Variants in LRRC8D observed in about 807,000 individuals in gnomAD.
The protein encoded by LRRC8D is volume-regulated anion channel subunit LRRC8D.
In LRRC8D, 20 loss-of-function variants were observed where a neutral mutation model predicts 55.8. The observed-to-expected ratio is 0.36, with a 90% CI of 0.25 to 0.52. LRRC8D has a LOEUF of 0.52. LRRC8D is among the 20% of genes least tolerant of loss of function. LRRC8D has a pLI of 0.93. For synonymous variants in LRRC8D, 352 were observed against 377.0 expected, an observed-to-expected ratio of 0.93 and a Z score of 0.77; for missense variants, 651 against 1,030.8, an observed-to-expected ratio of 0.63 and a Z score of 5.05.
At chr1:89,894,067 C>G (rs956644229) in intron 2 of LRRC8D, among the ~76,000 whole-genome samples, 1 of 152,172 alleles carries the variant, frequency 6.6e-6, no homozygotes, top group Non-Finnish European at 1.5e-5. Flanking sequence ...GTAATTAGGG[C>G]ATGAGGGCTC....
intron 2 of LRRC8D, among the ~76,000 whole-genome samples, chr1:89,862,376 A>G (rs990115307): frequency 1.3e-5 from 2 of 152,116 alleles, no homozygotes; most frequent in Admixed American, 6.5e-5. Context: ...GTTAGCCCAT[A>G]CTGCTTACTA....
chr1:89,900,355 G>A (rs1423282939), intron 2 of LRRC8D, among the ~76,000 whole-genome samples: 1 of 151,418 alleles, frequency 6.6e-6, no homozygotes, highest in Non-Finnish European at 1.5e-5. Context: ...TGGGTACAGT[G>A]CATCAAGGAA....
intron 2 of LRRC8D, among the ~76,000 whole-genome samples, chr1:89,869,218 AT>A (rs1199356752): frequency 6.6e-6 from 1 of 152,098 alleles, no homozygotes. Context: ...ACACTGCGTT[AT>A]TTTGACTGAG....
At chr1:89,904,875 G>A (rs1662950786) in intron 2 of LRRC8D, among the ~76,000 whole-genome samples, 1 of 152,072 alleles carries the variant, frequency 6.6e-6, no homozygotes, top group Admixed American at 6.6e-5. Context: ...TTGTGAGGAT[G>A]AATTAAAATG....
chr1:89,887,569 T>C (rs1488014161), intron 2 of LRRC8D, among the ~76,000 whole-genome samples: 1 of 152,240 alleles, frequency 6.6e-6, no homozygotes, highest in Non-Finnish European at 1.5e-5. Flanking sequence ...AAGTATCTCA[T>C]AGATGCAGTA....
At chr1:89,920,406 A>G (rs1369516763) in intron 2 of LRRC8D, among the ~76,000 whole-genome samples, 2 of 152,174 alleles carry the variant, frequency 1.3e-5, no homozygotes, top group African/African-American at 4.8e-5. Context: ...GTTTTTGCCT[A>G]ATGTGAAATC....
chr1:89,829,469 A>G (rs115612625), intron 1 of LRRC8D, among the ~76,000 whole-genome samples: 145 of 152,332 alleles, frequency 9.5e-4, no homozygotes, highest in Middle Eastern at 6.8e-3. Context: ...ATTTTATACC[A>G]GACTTTTTTA....
intron 1 of LRRC8D, 55 bp from the exon 2 acceptor site, chr1:89,843,583 C>T (rs999556804): frequency 8.6e-6 from 6 of 697,396 alleles, no homozygotes; most frequent in East Asian, 2.7e-5. Flanking sequence ...CCTTCCTCCC[C>T]GCTGCCGACA....
chr1:89,935,097 A>G lies in LRRC8D; in HGVS notation c.2029A>G (p.Ile677Val), dbSNP rs563864278. Residue 677 changes from isoleucine to valine, a missense_variant, in exon 3 of 3, where the codon ATC (isoleucine) becomes GTC (valine). By Grantham distance (29) the Ile-to-Val change is conservative. This residue lies in a region of LRRC8D where 338 missense variants were observed against 479.4 expected (regional missense o/e 0.71). Transcript: ENST00000337338. ...SNNIRTIEEI[I>V]SFQHLKRLTC... ...TAACATTCGCACAATTGAGGAAATC[A>G]TCAGTTTCCAGCATTTAAAACGACT... is the stretch of plus-strand genomic sequence containing the variant. The G allele has an allele frequency of 3.1e-6, 5 of 1,614,124 alleles. No individual in the cohort carries two copies. Among genetic ancestry groups the G allele is most frequent in the Non-Finnish European group, 3.4e-6 (4 of 1,180,034 alleles).
At position 89,896,307 on chromosome 1, in the gene LRRC8D, G is replaced by T. The variant is rs534946211; in HGVS notation, c.-2-36760G>T. Among the ~76,000 whole-genome samples, 17 of 152,232 alleles carry T rather than the reference G, an allele frequency of 1.1e-4. 1 individual carries two copies. Among genetic ancestry groups the T allele is most frequent in the African/African-American group, 3.6e-4 (15 of 41,540 alleles). On this transcript the variant is annotated intron_variant, in intron 2 of 2. Transcript: ENST00000337338. The stretch of plus-strand genomic sequence containing the variant: ...GGGAAGGGAGGGGTCGTAAACTTTG[G>T]TTCTGGAGGAGCCCTTAGAGATCGT...
At chr1:89,831,945 CG>C in intron 1 of LRRC8D, among the ~76,000 whole-genome samples, 1 of 152,284 alleles carries the variant, frequency 6.6e-6, no homozygotes, top group East Asian at 1.9e-4. Context: ...AGGAAAAAGA[CG>C]GTTTGGAACA....
At position 89,927,291 on chromosome 1, in the gene LRRC8D, T is replaced by C. The variant is rs556327680; in HGVS notation, c.-2-5776T>C. Reference sequence around the variant, plus strand: ...ACAGCTGTTTCTGCGGCAGCTTCTTTTACCATTTCCTTTGAAACTTTTTAT... The same window carrying C: ...ACAGCTGTTTCTGCGGCAGCTTCTTCTACCATTTCCTTTGAAACTTTTTAT... On this transcript the variant is annotated intron_variant, in intron 2 of 2. Coordinates refer to ENST00000337338, the MANE Select transcript of LRRC8D (RefSeq NM_001134479.2). Among the ~76,000 whole-genome samples the C allele has an allele frequency of 2.0e-5, 3 of 152,396 alleles. No individual in the cohort carries two copies. In the South Asian group the frequency reaches 6.2e-4, roughly 32 times the overall value.
intron 2 of LRRC8D, among the ~76,000 whole-genome samples, chr1:89,894,060 A>G (rs1662645143): frequency 6.6e-6 from 1 of 152,184 alleles, no homozygotes; most frequent in Admixed American, 6.5e-5. Flanking sequence ...TTGGAAAGTA[A>G]TTAGGGCATG....
chr1:89,934,004 A>C lies in LRRC8D; in HGVS notation c.936A>C (p.Thr312=). Residue 312 remains threonine, a synonymous_variant, in exon 3 of 3, where the codon ACA becomes ACC. Coordinates refer to ENST00000337338, the MANE Select transcript of LRRC8D (RefSeq NM_001134479.2). The surrounding 1 kb of genome is among the most constrained non-coding windows in gnomAD (Gnocchi z 5.9). The part of the protein sequence containing the change: ...DLIYKLYVVQ[T]VIKTAKFIFI... The stretch of plus-strand genomic sequence containing the variant: ...TCTATAAACTCTATGTGGTCCAAAC[A>C]GTTATCAAAACAGCCAAGTTCATTT... 6.2e-7 allele frequency: 1 copy of C among 1,614,232 alleles called. No individual in the cohort carries two copies. The highest frequency in any genetic ancestry group is 8.5e-7 in the Non-Finnish European group (1 of 1,180,044).
intron 2 of LRRC8D, among the ~76,000 whole-genome samples, chr1:89,870,393 T>C (rs1166367034): frequency 2.0e-5 from 3 of 151,976 alleles, no homozygotes; most frequent in Admixed American, 6.6e-5. Flanking sequence ...GGAGAATCGC[T>C]TGAACCCGGG....
At chr1:89,903,745 A>T (rs1405115754) in intron 2 of LRRC8D, among the ~76,000 whole-genome samples, 1 of 152,196 alleles carries the variant, frequency 6.6e-6, no homozygotes, top group Non-Finnish European at 1.5e-5. Context: ...GTGTTTGCTG[A>T]TGTTCATAAC....
chr1:89,886,054 G>C (rs1395997769), intron 2 of LRRC8D, among the ~76,000 whole-genome samples: 1 of 152,146 alleles, frequency 6.6e-6, no homozygotes, highest in African/African-American at 2.4e-5. Context: ...AAAGTTAAGG[G>C]GTGAGAGTGG....
chr1:89,867,374 C>A (rs576803582), intron 2 of LRRC8D, among the ~76,000 whole-genome samples: 3 of 152,244 alleles, frequency 2.0e-5, no homozygotes, highest in Non-Finnish European at 2.9e-5. Context: ...AGATCATATC[C>A]CATTGTATAA....
At chr1:89,904,606 A>C (rs901836580) in intron 2 of LRRC8D, among the ~76,000 whole-genome samples, 4 of 152,136 alleles carry the variant, frequency 2.6e-5, no homozygotes, top group Non-Finnish European at 4.4e-5. Flanking sequence ...CTGGAGCTCT[A>C]TTGGCCACTC....
Sources: allele counts gnomAD v4.1 joint callset (sites outside exome capture counted in the v4.1 genomes callset), GRCh38; gene constraint gnomAD v4.1.1; regional missense constraint gnomAD v4.1.1; non-coding constraint Gnocchi (gnomAD v3.1); transcripts MANE v1.5; gene names NCBI Gene and HGNC (gene_info 2026-07-23, HGNC 2026-07-21).